The following TIPARP variants were observed in gnomAD, a reference collection of about 807,000 sequenced individuals.
TIPARP encodes the protein protein mono-ADP-ribosyltransferase TIPARP.
A neutral mutation model predicts 56.5 loss-of-function variants in TIPARP; 12 were observed. The ratio of observed to expected loss-of-function variants is 0.21; its 90% CI spans 0.14 to 0.34. The LOEUF (loss-of-function observed/expected upper bound fraction) is 0.34, where lower values mean the gene tolerates loss of function less well. Ranked by LOEUF, TIPARP falls within the 10% of genes least tolerant of loss-of-function variation. The probability of loss-of-function intolerance (pLI) is 1.00; values close to 1 mark genes in which losing one functional copy is unlikely to be tolerated. For missense variants in TIPARP, 604 were observed against 781.6 expected (o/e 0.77, Z 2.71); for synonymous variants, 296 against 265.7 (o/e 1.11, Z -1.11).
chr3:156,688,492 G>C (rs344007), intron 2 of TIPARP, among the ~76,000 whole-genome samples: 126,520 of 144,526 alleles, frequency 0.88, 54,531 homozygotes, highest in East Asian at 0.96. Flanking sequence ...GCCCCCCCCC[G>C]CAATAAGTAG....
Position 156,677,816 on chromosome 3 carries a change from T to C in TIPARP, c.119T>C (p.Phe40Ser), listed in dbSNP as rs369539588. The C allele has an allele frequency of 6.2e-7, 1 of 1,614,020 alleles. No homozygotes were observed. The highest frequency in any genetic ancestry group is 1.3e-5 in the African/African-American group (1 of 74,890). The change falls in exon 2 of 6, where the codon TTT becomes TCT. Residue 40 changes from phenylalanine (F) to serine (S), a missense_variant. This residue lies in a region of TIPARP where 261 missense variants were observed against 279.2 expected (regional missense o/e 0.93). Transcript: ENST00000295924. ...SEKITPLKTC[F>S]KKKDQKRLGT... ...AAGATCACTCCATTGAAGACTTGTT[T>C]TAAGAAAAAGGATCAGAAAAGATTG...
chr3:156,685,897 A>G (rs1288206477), intron 2 of TIPARP, among the ~76,000 whole-genome samples: 1 of 152,228 alleles, frequency 6.6e-6, no homozygotes, highest in Non-Finnish European at 1.5e-5. Flanking sequence ...CAGTTCCTGC[A>G]GCTGATCAAG....
chr3:156,693,925 A>G (rs1243298936), intron 2 of TIPARP, 95 bp from the exon 3 acceptor site: 3 of 1,321,484 alleles, frequency 2.3e-6, no homozygotes, highest in Non-Finnish European at 3.0e-6. Flanking sequence ...AGGCTATGCT[A>G]TGTATTTTTA....
intron 1 of TIPARP, chr3:156,675,853 A>T (rs558885010): frequency 6.6e-6 from 1 of 152,208 alleles, no homozygotes; most frequent in African/African-American, 2.4e-5. Context: ...TTTTTCTGTT[A>T]TGAAAACTAA....
At chr3:156,681,645 C>G (rs1722308932) in intron 2 of TIPARP, among the ~76,000 whole-genome samples, 1 of 152,060 alleles carries the variant, frequency 6.6e-6, no homozygotes, top group African/African-American at 2.4e-5. Context: ...CAGGACCTTT[C>G]CAACTTTTTA....
intron 2 of TIPARP, among the ~76,000 whole-genome samples, chr3:156,679,829 A>G (rs12632784): frequency 0.011 from 1,749 of 152,300 alleles, 52 homozygotes; most frequent in East Asian, 0.11. Context: ...GCAGTAAACC[A>G]TTTCCAAGTT....
intron 2 of TIPARP, among the ~76,000 whole-genome samples, chr3:156,693,524 C>T (rs548077141): frequency 9.2e-5 from 14 of 152,134 alleles, no homozygotes; most frequent in South Asian, 4.1e-4. Context: ...TGGCTTTATC[C>T]GGATTCATTT....
chr3:156,695,843 TGTTC>T lies in TIPARP; in HGVS notation c.1087-21_1087-18del. ...TAACTTTCCTTTTTTTTTTTTTTTTTGTTCTGTTTTCTCCTCCATAGTCTGTCAT... is the reference window on the plus strand; with the variant it reads ...TAACTTTCCTTTTTTTTTTTTTTTTTTGTTTTCTCCTCCATAGTCTGTCAT... On this transcript the variant is annotated intron_variant, in intron 3 of 5. Coordinates refer to ENST00000295924, the MANE Select transcript of TIPARP (RefSeq NM_015508.5). The T allele has an allele frequency of 7.1e-7, 1 of 1,410,082 alleles. No individual in the cohort carries two copies. Among genetic ancestry groups the T allele is most frequent in the Non-Finnish European group, 9.3e-7 (1 of 1,077,120 alleles). The allele number at this position is 1,410,082 out of a possible 1,614,324, so 87.3% of individuals were successfully genotyped here.
chr3:156,690,105 C>T (rs1722527739), intron 2 of TIPARP, among the ~76,000 whole-genome samples: 1 of 152,038 alleles, frequency 6.6e-6, no homozygotes, highest in Non-Finnish European at 1.5e-5. Flanking sequence ...TTCTTGGTTA[C>T]AAACACTTTA....
At chr3:156,695,718 T>C (rs1300129925) in intron 3 of TIPARP, 147 bp from the exon 4 acceptor site, 1 of 1,129,986 alleles carries the variant, frequency 8.8e-7, no homozygotes, top group Non-Finnish European at 1.2e-6. Context: ...AAAAAAATCT[T>C]AGCATATAAA....
intron 2 of TIPARP, among the ~76,000 whole-genome samples, chr3:156,679,786 C>T (rs1242750797): frequency 2.0e-5 from 3 of 152,172 alleles, no homozygotes; most frequent in Admixed American, 2.0e-4. Context: ...TTGATTTACA[C>T]TACCTATGTG....
At chr3:156,695,768 G>C in intron 3 of TIPARP, 97 bp from the exon 4 acceptor site, 1 of 1,425,580 alleles carries the variant, frequency 7.0e-7, no homozygotes, top group Non-Finnish European at 9.2e-7. Flanking sequence ...TGAAATTCCT[G>C]TGAGGTTAAC....
Position 156,705,183 on chromosome 3 carries a change from A to C in TIPARP, c.*52A>C. On this transcript the variant is annotated 3_prime_UTR_variant, in exon 6 of 6. Transcript: ENST00000295924. ...GATATGAACTCAATCCAGCATTTGT[A>C]GCAGGTTTTGAATGGGTGGGACTGG... 2.7e-6 allele frequency: 2 copies of C among 752,860 alleles called. No individual in the cohort carries two copies. Among genetic ancestry groups the C allele is most frequent in the Non-Finnish European group, 4.0e-6 (2 of 503,468 alleles). 46.6% of individuals were successfully genotyped at this position (752,860 alleles called of 1,614,324 possible).
chr3:156,686,213 A>G (rs1050666473), intron 2 of TIPARP, among the ~76,000 whole-genome samples: 2 of 152,204 alleles, frequency 1.3e-5, no homozygotes, highest in Non-Finnish European at 2.9e-5. Flanking sequence ...CATCAGAAGC[A>G]TTATGTAAAG....
intron 2 of TIPARP, among the ~76,000 whole-genome samples, chr3:156,682,989 T>G (rs1466379338): frequency 6.6e-6 from 1 of 152,210 alleles, no homozygotes; most frequent in Non-Finnish European, 1.5e-5. Context: ...CCCAGAGAAG[T>G]TACTGGATCT....
chr3:156,696,654 C>T (rs1428011734), intron 4 of TIPARP, among the ~76,000 whole-genome samples: 1 of 152,144 alleles, frequency 6.6e-6, no homozygotes, highest in Non-Finnish European at 1.5e-5. Flanking sequence ...TTGTTTCTTC[C>T]TTTGGTCTCC....
intron 2 of TIPARP, among the ~76,000 whole-genome samples, chr3:156,691,811 A>G (rs754643911): frequency 2.0e-5 from 3 of 152,216 alleles, no homozygotes; most frequent in Non-Finnish European, 2.9e-5. Context: ...TGAAAATCAA[A>G]TAGAGCTAAA....
At chr3:156,681,098 C>T (rs1722291365) in intron 2 of TIPARP, 1 of 455,126 alleles carries the variant, frequency 2.2e-6, no homozygotes, top group Non-Finnish European at 4.4e-6. Flanking sequence ...TCCTTGTATT[C>T]CAAAGCGATG....
At chr3:156,694,254 TA>T in intron 3 of TIPARP, 66 bp downstream of exon 3, 3 of 1,423,614 alleles carry the variant, frequency 2.1e-6, no homozygotes, top group Non-Finnish European at 1.9e-6. Context: ...TGTATTCTTT[TA>T]TTCTTTCTTT....
Sources: gnomAD v4.1 joint callset for allele counts (sites outside exome capture counted in the v4.1 genomes callset) on GRCh38, gnomAD v4.1.1 for gene constraint, gnomAD v4.1.1 regional missense constraint, MANE v1.5 for transcripts, NCBI Gene and HGNC (gene_info 2026-07-23, HGNC 2026-07-21) for gene names.